Variants in ZNF280C observed in about 807,000 individuals in gnomAD.
The protein encoded by ZNF280C is zinc finger protein 280C.
A neutral mutation model predicts 53.6 loss-of-function variants in ZNF280C; 14 were observed. The ratio of observed to expected loss-of-function variants is 0.26; its 90% CI spans 0.17 to 0.41. The LOEUF (loss-of-function observed/expected upper bound fraction) is 0.41, where lower values mean the gene tolerates loss of function less well. Ranked by LOEUF, ZNF280C falls within the 10% of genes least tolerant of loss-of-function variation. The pLI is 1.00. For synonymous variants in ZNF280C, 203 were observed against 181.1 expected (o/e 1.12, Z -0.97); for missense variants, 416 against 547.1 (o/e 0.76, Z 2.39).
At chrX:130,246,242 T>C (rs2032449107) in intron 3 of ZNF280C, among the ~76,000 whole-genome samples, 1 of 112,385 alleles carries the variant, frequency 8.9e-6, no homozygotes. Context: ...AGTATAGTGT[T>C]GGAAAACCAG....
Position 130,204,967 on chromosome X carries a change from G to C in ZNF280C, c.*10C>G. ...TGCACCAGGTTGCATGAACTCCATG[G>C]AGCAGGAATCTATTTCAATGAGCAG... On this transcript the variant is annotated 3_prime_UTR_variant, in exon 19 of 19. Coordinates refer to ENST00000370978, the MANE Select transcript of ZNF280C (RefSeq NM_017666.5). The C allele has an allele frequency of 9.3e-7, 1 of 1,076,195 alleles. No homozygotes were observed. The highest frequency in any genetic ancestry group is 1.2e-6 in the Non-Finnish European group (1 of 830,249). The allele number at this position is 1,076,195 out of a possible 1,213,427, so 88.7% of individuals were successfully genotyped here. A position where few individuals can be genotyped will look rare whatever the true frequency, so the allele number is the denominator to read the frequency against.
At chrX:130,256,883 G>A (rs760533472) in intron 2 of ZNF280C, among the ~76,000 whole-genome samples, 6 of 108,141 alleles carry the variant, frequency 5.5e-5, no homozygotes, top group East Asian at 5.8e-4. Flanking sequence ...GGTTAACAGC[G>A]TGAGACTGTC....
chrX:130,232,684 A>G (rs1043810687), intron 8 of ZNF280C, among the ~76,000 whole-genome samples: 10 of 112,147 alleles, frequency 8.9e-5, no homozygotes, highest in African/African-American at 2.3e-4. Flanking sequence ...AAGACAAAAG[A>G]TAAGTGTTGA....
chrX:130,221,034 CACAA>C (rs747441929), intron 12 of ZNF280C, among the ~76,000 whole-genome samples: 98 of 111,462 alleles, frequency 8.8e-4, no homozygotes, highest in African/African-American at 3.2e-3. Context: ...GCATATAAAA[CACAA>C]ACAATCTTTT....
At chrX:130,220,321 A>C (rs907393510) in intron 13 of ZNF280C, 28 bp downstream of exon 13, 4 of 1,095,409 alleles carry the variant, frequency 3.7e-6, no homozygotes, top group Non-Finnish European at 4.8e-6. Flanking sequence ...TGTGCAAAAA[A>C]CCACCAAAAA....
In ZNF280C at chrX:130,243,865, T is replaced by C; in HGVS notation, c.179A>G (p.Asn60Ser). 1 of 1,095,066 alleles carries C rather than the reference T, an allele frequency of 9.1e-7. No homozygotes were observed. Among genetic ancestry groups the C allele is most frequent in the Non-Finnish European group, 1.2e-6 (1 of 826,277 alleles). The allele number at this position is 1,095,066 out of a possible 1,213,427, so 90.2% of individuals were successfully genotyped here. A position where few individuals can be genotyped will look rare whatever the true frequency, so the allele number is the denominator to read the frequency against. The change falls in exon 4 of 19, where the codon AAT becomes AGT. Residue 60 changes from asparagine (N) to serine (S), a missense_variant and splice_region_variant. Around this residue, in one of 3 missense-constraint regions of ZNF280C, gnomAD observed 193 missense variants for 201.4 expected, o/e 0.96. Coordinates refer to ENST00000370978, the MANE Select transcript of ZNF280C (RefSeq NM_017666.5). ...GCTGGAGTGGCCTCTGTTCAAAATATCTATAAAATTATATTTATTTTAAAA... is the reference window on the plus strand; with the variant it reads ...GCTGGAGTGGCCTCTGTTCAAAATACCTATAAAATTATATTTATTTTAAAA... The part of the protein sequence containing the change: ...EISSSKPAIS[N>S]ILNRGHSSSS...
At chrX:130,253,801 A>G (rs2032538284) in intron 2 of ZNF280C, among the ~76,000 whole-genome samples, 1 of 112,148 alleles carries the variant, frequency 8.9e-6, no homozygotes, top group Non-Finnish European at 1.9e-5. Context: ...CCAAAACTAT[A>G]AAAACCCTGG....
At chrX:130,214,000 A>C (rs1298173730) in intron 15 of ZNF280C, among the ~76,000 whole-genome samples, 2 of 111,789 alleles carry the variant, frequency 1.8e-5, no homozygotes, top group African/African-American at 3.3e-5. Context: ...AGGTCTTGCT[A>C]TGTTGCCCAG....
At chrX:130,210,366 A>T (rs1329973746) in intron 15 of ZNF280C, among the ~76,000 whole-genome samples, 4 of 112,428 alleles carry the variant, frequency 3.6e-5, no homozygotes, top group Non-Finnish European at 7.5e-5. Flanking sequence ...TGTCAAATTA[A>T]AGTTTTTTAA....
intron 16 of ZNF280C, among the ~76,000 whole-genome samples, chrX:130,206,342 C>T (rs2031973020): frequency 9.2e-6 from 1 of 108,343 alleles, no homozygotes; most frequent in South Asian, 4.0e-4. Context: ...CCAGTGCATA[C>T]CTTGGATTGA....
At chrX:130,223,435 G>A (rs983097375) in intron 12 of ZNF280C, among the ~76,000 whole-genome samples, 23 of 112,040 alleles carry the variant, frequency 2.1e-4, no homozygotes, top group Admixed American at 1.7e-3. Flanking sequence ...ATGAGTCTGC[G>A]GTGGAAGCTT....
rs770849655 is a variant in ZNF280C at position 130,247,482 on chromosome X, C to G, written c.32-477G>C. 1.4e-4 allele frequency among the ~76,000 whole-genome samples: 16 copies of G among 111,689 alleles called. No homozygotes were observed. The South Asian group carries it at 1.5e-3, about 11-fold the overall frequency. ...GCATGGTCTACAGTGGACCCTCCCC[C>G]ACCCTGAGCGGCCATCTCTGCCTTG... On this transcript the variant is annotated intron_variant, in intron 2 of 18. Coordinates refer to ENST00000370978, the MANE Select transcript of ZNF280C (RefSeq NM_017666.5).
intron 8 of ZNF280C, 59 bp downstream of exon 8, chrX:130,236,155 C>T: frequency 1.2e-6 from 1 of 832,893 alleles, no homozygotes; most frequent in Non-Finnish European, 1.7e-6. Flanking sequence ...TATCAATTTT[C>T]AATATTTTCA....
intron 16 of ZNF280C, among the ~76,000 whole-genome samples, chrX:130,206,361 GT>G (rs1048503644): frequency 3.1e-3 from 227 of 73,463 alleles, no homozygotes; most frequent in African/African-American, 7.2e-3. Context: ...GACTTCTTTA[GT>G]TTTTTTTTTT....
intron 18 of ZNF280C, 41 bp downstream of exon 18, chrX:130,205,076 G>A (rs1295039280): frequency 1.7e-6 from 2 of 1,154,893 alleles, no homozygotes; most frequent in Non-Finnish European, 2.3e-6. Flanking sequence ...CAGTGCTAAA[G>A]TCCATCAAAG....
intron 2 of ZNF280C, among the ~76,000 whole-genome samples, chrX:130,248,899 G>A (rs1040023084): frequency 8.9e-6 from 1 of 111,981 alleles, no homozygotes; most frequent in African/African-American, 3.2e-5. Context: ...TCCCTGCCCC[G>A]TAAGAACATA....
At chrX:130,212,057 G>C (rs2032046669) in intron 15 of ZNF280C, among the ~76,000 whole-genome samples, 1 of 111,429 alleles carries the variant, frequency 9.0e-6, no homozygotes, top group African/African-American at 3.3e-5. Context: ...TAGTGGAAGA[G>C]GCAGACTGGT....
intron 5 of ZNF280C, among the ~76,000 whole-genome samples, chrX:130,242,898 G>A (rs915377720): frequency 2.7e-5 from 3 of 110,879 alleles, no homozygotes; most frequent in Non-Finnish European, 3.8e-5. Flanking sequence ...GGCTGGTCTC[G>A]AACTACTGAG....
intron 1 of ZNF280C, among the ~76,000 whole-genome samples, chrX:130,266,057 G>T (rs2032684995): frequency 8.9e-6 from 1 of 112,144 alleles, no homozygotes; most frequent in Non-Finnish European, 1.9e-5. Flanking sequence ...ATTAGAAATT[G>T]AAACTGAGAC....
Sources: gnomAD v4.1 joint callset for allele counts (sites outside exome capture counted in the v4.1 genomes callset) on GRCh38, gnomAD v4.1.1 for gene constraint, gnomAD v4.1.1 regional missense constraint, MANE v1.5 for transcripts, NCBI Gene and HGNC (gene_info 2026-07-23, HGNC 2026-07-21) for gene names.